The following CLVS1 variants were observed in gnomAD, a reference collection of about 807,000 sequenced individuals.
CLVS1 encodes clavesin-1.
Under a neutral mutation model 33.1 loss-of-function variants are expected in CLVS1, and 10 were observed. The observed-to-expected ratio is 0.30, with a 90% CI of 0.19 to 0.51. The LOEUF (loss-of-function observed/expected upper bound fraction) is 0.51. Among genes scored for constraint, CLVS1 ranks in the 20% least tolerant of loss-of-function variants. The pLI is 0.97. For missense variants in CLVS1, 343 were observed against 433.4 expected (o/e 0.79, Z 1.85); for synonymous variants, 163 against 166.1 (o/e 0.98, Z 0.14).
At chr8:61,093,351 G>A (rs1450422102) in intron 1 of CLVS1, among the ~76,000 whole-genome samples, 1 of 152,162 alleles carries the variant, frequency 6.6e-6, no homozygotes, top group African/African-American at 2.4e-5. Context: ...GCAACAATTT[G>A]TAATGCAGCC....
At chr8:61,417,278 G>T (rs1456803872) in intron 3 of CLVS1, among the ~76,000 whole-genome samples, 1 of 152,188 alleles carries the variant, frequency 6.6e-6, no homozygotes, top group Non-Finnish European at 1.5e-5. Flanking sequence ...CTCCACTCCG[G>T]CCACTTGTGA....
At chr8:61,213,162 C>A (rs1231313063) in intron 2 of CLVS1, among the ~76,000 whole-genome samples, 2 of 151,476 alleles carry the variant, frequency 1.3e-5, no homozygotes, top group Non-Finnish European at 2.9e-5. Flanking sequence ...TTTAGTGTCA[C>A]CCCTTGGGGA....
chr8:61,151,691 G>C (rs1806539749), intron 2 of CLVS1, among the ~76,000 whole-genome samples: 1 of 152,212 alleles, frequency 6.6e-6, no homozygotes, highest in African/African-American at 2.4e-5. Flanking sequence ...CTTTGGATGT[G>C]CAGAGTTCAA....
chr8:61,166,961 C>T (rs1806879363), intron 2 of CLVS1, among the ~76,000 whole-genome samples: 1 of 149,134 alleles, frequency 6.7e-6, no homozygotes, highest in Non-Finnish European at 1.5e-5. Flanking sequence ...AACTGAAACA[C>T]CATTTTTTAA....
At chr8:61,263,000 C>T (rs1159908992) in intron 2 of CLVS1, among the ~76,000 whole-genome samples, 1 of 152,120 alleles carries the variant, frequency 6.6e-6, no homozygotes, top group Admixed American at 6.6e-5. Context: ...GCCACATTGT[C>T]TCAGGGCAGG....
At chr8:61,082,189 T>A (rs1585595915) in intron 1 of CLVS1, among the ~76,000 whole-genome samples, 1 of 152,124 alleles carries the variant, frequency 6.6e-6, no homozygotes, top group Non-Finnish European at 1.5e-5. Context: ...TTCAATACAC[T>A]GGACATGGCC....
At position 61,333,475 on chromosome 8, in the gene CLVS1, G is replaced by C. The variant is rs80298246; in HGVS notation, c.455+33193G>C. On this transcript the variant is annotated intron_variant, in intron 2 of 5. Transcript: ENST00000325897. ...ACAGAAAGAAAAGTCTGGGAAATTA[G>C]AAACATTGAGTTTCAAAAATGACAA... Among the ~76,000 whole-genome samples, 999 of 152,240 alleles carry C rather than the reference G, an allele frequency of 6.6e-3. 10 individuals are homozygous for C. The highest frequency in any genetic ancestry group is 0.023 in the African/African-American group (962 of 41,542).
intron 2 of CLVS1, among the ~76,000 whole-genome samples, chr8:61,366,471 C>T (rs182253407): frequency 2.3e-4 from 35 of 152,306 alleles, no homozygotes; most frequent in African/African-American, 7.7e-4. Flanking sequence ...ACCCAAGGTG[C>T]TCAGTAATAC....
At chr8:61,094,889 A>G (rs1585606426) in intron 1 of CLVS1, among the ~76,000 whole-genome samples, 1 of 152,218 alleles carries the variant, frequency 6.6e-6, no homozygotes, top group African/African-American at 2.4e-5. Flanking sequence ...TGGCAGCCCT[A>G]GCAGACTAAC....
At chr8:61,225,933 A>T (rs1197610908) in intron 2 of CLVS1, among the ~76,000 whole-genome samples, 1 of 152,252 alleles carries the variant, frequency 6.6e-6, no homozygotes, top group African/African-American at 2.4e-5. Flanking sequence ...TGCTAAATGT[A>T]GTGCACTGAA....
chr8:61,386,381 A>G (rs2129602305), intron 3 of CLVS1, among the ~76,000 whole-genome samples: 1 of 152,356 alleles, frequency 6.6e-6, no homozygotes, highest in East Asian at 1.9e-4. Context: ...AATTTTACCT[A>G]TACAGAAATA....
At chr8:61,140,649 G>A (rs1186704644) in intron 2 of CLVS1, among the ~76,000 whole-genome samples, 1 of 152,042 alleles carries the variant, frequency 6.6e-6, no homozygotes, top group Non-Finnish European at 1.5e-5. Context: ...TGGAAGCTCC[G>A]CCTCCCAGGT....
At chr8:61,489,575 G>A (rs955458072) in intron 5 of CLVS1, among the ~76,000 whole-genome samples, 5 of 152,134 alleles carry the variant, frequency 3.3e-5, no homozygotes, top group African/African-American at 9.7e-5. Context: ...GAAGATTGTC[G>A]TGAAGATTAA....
intron 2 of CLVS1, among the ~76,000 whole-genome samples, chr8:61,169,847 T>C (rs1035911839): frequency 6.6e-6 from 1 of 152,198 alleles, no homozygotes; most frequent in African/African-American, 2.4e-5. Context: ...TGTTAATTTG[T>C]CTATTGTCAG....
chr8:61,013,046 A>G, the CLVS1 span, among the ~76,000 whole-genome samples: 1 of 151,994 alleles, frequency 6.6e-6, no homozygotes, highest in East Asian at 1.9e-4. Flanking sequence ...TCCCATTTGC[A>G]CTGAGGCCCT....
intron 2 of CLVS1, among the ~76,000 whole-genome samples, chr8:61,175,603 A>C (rs1020911430): frequency 1.1e-4 from 17 of 152,204 alleles, no homozygotes; most frequent in African/African-American, 3.9e-4. Context: ...TGTCCTTATA[A>C]GAAGAGAGAG....
At chr8:60,967,170 T>C in the CLVS1 span, among the ~76,000 whole-genome samples, 2 of 152,202 alleles carry the variant, frequency 1.3e-5, no homozygotes, top group Non-Finnish European at 2.9e-5. Flanking sequence ...ACCTATACTA[T>C]GGATGTAGTC....
intron 1 of CLVS1, among the ~76,000 whole-genome samples, chr8:61,118,223 C>T (rs1375039217): frequency 6.6e-6 from 1 of 152,018 alleles, no homozygotes; most frequent in Non-Finnish European, 1.5e-5. Context: ...GTGATATCCC[C>T]TTTATCATTT....
chr8:60,982,486 T>C, the CLVS1 span, among the ~76,000 whole-genome samples: 1 of 152,206 alleles, frequency 6.6e-6, no homozygotes. Flanking sequence ...TGGTAATCCT[T>C]TAAAAGGCCT....
Sources: allele counts gnomAD v4.1 joint callset (sites outside exome capture counted in the v4.1 genomes callset), GRCh38; gene constraint gnomAD v4.1.1; transcripts MANE v1.5; gene names NCBI Gene and HGNC (gene_info 2026-07-23, HGNC 2026-07-21).